Variants in ZFP42 observed in about 807,000 individuals in gnomAD.
ZFP42 encodes zinc finger protein 42 homolog.
For synonymous variants in ZFP42, 175 were observed against 144.6 expected (o/e 1.21, Z -1.51); for missense variants, 438 against 377.1 (o/e 1.16, Z -1.34).
At position 188,004,037 on chromosome 4, in the gene ZFP42, C is replaced by T; in HGVS notation, c.*297C>T. 7.3e-6 allele frequency: 2 copies of T among 273,608 alleles called. No individual in the cohort carries two copies. Among genetic ancestry groups the T allele is most frequent in the Non-Finnish European group, 1.5e-5 (2 of 135,416 alleles). The allele number at this position is 273,608 out of a possible 1,614,324, so 16.9% of individuals were successfully genotyped here. ...AGTGATAAATTTTCAAAAGCATAAC[C>T]TTCAATATATTATCTGTTGGATTAT... On this transcript the variant is annotated 3_prime_UTR_variant, in exon 4 of 4. Transcript: ENST00000326866.
At position 188,003,755 on chromosome 4, in the gene ZFP42, G is replaced by A; in HGVS notation, c.*15G>A. 2.5e-6 allele frequency: 4 copies of A among 1,594,904 alleles called. No individual in the cohort carries two copies. Among genetic ancestry groups the A allele is most frequent in the Non-Finnish European group, 3.4e-6 (4 of 1,167,562 alleles). On this transcript the variant is annotated 3_prime_UTR_variant, in exon 4 of 4. Transcript: ENST00000326866. ...AGGGAAAGTAGTCCTCCAACAGGAT[G>A]AAGCAGATTAACAGAAGAGTGATCA...
chr4:188,003,366 G>A lies in ZFP42; in HGVS notation c.559G>A (p.Ala187Thr), dbSNP rs750318279. The A allele has an allele frequency of 9.3e-6, 15 of 1,613,934 alleles. No homozygotes were observed. The highest frequency in any genetic ancestry group is 5.3e-5 in the African/African-American group (4 of 74,908). Residue 187 changes from alanine (A) to threonine (T), a missense_variant, in exon 4 of 4, where the codon GCA (alanine) becomes ACA (threonine). Ala to Thr is a moderately conservative substitution (Grantham distance 58). Coordinates refer to ENST00000326866, the MANE Select transcript of ZFP42 (RefSeq NM_174900.5). The part of the protein sequence containing the change: ...PINKEYDSLS[A>T]IACPQSGCTR... ...AAATAAAGAATATGACAGTCTGAGC[G>A]CAATCGCTTGTCCTCAGAGTGGATG...
chr4:188,000,472 C>T (rs1415164173), intron 3 of ZFP42, among the ~76,000 whole-genome samples: 1 of 152,190 alleles, frequency 6.6e-6, no homozygotes, highest in Non-Finnish European at 1.5e-5. Flanking sequence ...TCACTGCCTC[C>T]GCCTCCCAGG....
In ZFP42 at chr4:188,003,060, A is replaced by G. The variant is rs577420432; in HGVS notation, c.253A>G (p.Ile85Val). 10 of 1,614,194 alleles carry G rather than the reference A, an allele frequency of 6.2e-6. No individual in the cohort carries two copies. The highest frequency in any genetic ancestry group is 3.3e-5 in the Admixed American group (2 of 60,020). Reference sequence around the variant, plus strand: ...CATAAGGGGTGAGTTTTCTCAACCCATCCTGGAAGAGGACTCACTTTTTGA... The same window carrying G: ...CATAAGGGGTGAGTTTTCTCAACCCGTCCTGGAAGAGGACTCACTTTTTGA... ...CVIRGEFSQPILEEDSLFESL... is the reference protein window; with the variant it reads ...CVIRGEFSQPVLEEDSLFESL... The change falls in exon 4 of 4, where the codon ATC becomes GTC. Residue 85 changes from isoleucine (I) to valine (V), a missense_variant. Transcript: ENST00000326866.
chr4:187,998,716 G>C (rs368891565), intron 1 of ZFP42, among the ~76,000 whole-genome samples: 1 of 152,260 alleles, frequency 6.6e-6, no homozygotes, highest in East Asian at 1.9e-4. Context: ...AGGAGCCATG[G>C]GCCCTACTGT....
Position 188,002,766 on chromosome 4 carries a change from T to C in ZFP42, c.-42T>C. On this transcript the variant is annotated 5_prime_UTR_variant, in exon 4 of 4. Transcript: ENST00000326866. ...CACTACTGCCTGGAGGTGGTTGATA[T>C]ATCCTGGTGTAAACCTTCAAGAAGG... 1 of 1,566,112 alleles carries C rather than the reference T, an allele frequency of 6.4e-7. No individual in the cohort carries two copies. The highest frequency in any genetic ancestry group is 8.7e-7 in the Non-Finnish European group (1 of 1,144,948).
At chr4:187,998,251 G>A (rs1260830301) in intron 1 of ZFP42, among the ~76,000 whole-genome samples, 4 of 150,798 alleles carry the variant, frequency 2.7e-5, no homozygotes, top group African/African-American at 1.0e-4. Flanking sequence ...CGGGAGAATC[G>A]GCTGAACCTG....
In ZFP42 at chr4:188,003,894, T is replaced by TA. The variant is rs1261497080; in HGVS notation, c.*155dup. 3 of 724,726 alleles carry TA rather than the reference T, an allele frequency of 4.1e-6. No individual in the cohort carries two copies. Among genetic ancestry groups the TA allele is most frequent in the Middle Eastern group, 2.5e-4 (1 of 4,016 alleles). The allele number at this position is 724,726 out of a possible 1,614,324, so 44.9% of individuals were successfully genotyped here. A position where few individuals can be genotyped will look rare whatever the true frequency, so the allele number is the denominator to read the frequency against. On this transcript the variant is annotated 3_prime_UTR_variant, in exon 4 of 4. Coordinates refer to ENST00000326866, the MANE Select transcript of ZFP42 (RefSeq NM_174900.5). ...ACTAAGATGCTCCTACACTTTGTGA[T>TA]ACCGTTTTAAGGACATGGTGCATTT...
chr4:187,998,268 G>T (rs1175722546), intron 1 of ZFP42, among the ~76,000 whole-genome samples: 1 of 152,058 alleles, frequency 6.6e-6, no homozygotes, highest in Non-Finnish European at 1.5e-5. Context: ...CCTGGGAGGC[G>T]GAGGTTGCTG....
chr4:188,000,701 G>T (rs1407921951), intron 3 of ZFP42, among the ~76,000 whole-genome samples: 1 of 152,158 alleles, frequency 6.6e-6, no homozygotes, highest in East Asian at 1.9e-4. Context: ...AAGGACACAG[G>T]CCTGGCGCAG....
rs1366857340 is a variant in ZFP42, at chr4:187,997,666, G to A, written c.-338-1442G>A. Among the ~76,000 whole-genome samples, 3 of 151,992 alleles carry A rather than the reference G, an allele frequency of 2.0e-5. No homozygotes were observed. In the East Asian group the frequency reaches 5.8e-4, roughly 29 times the overall value. Reference sequence around the variant, plus strand: ...TCTTTTTCCCTAAGTTCAGCACCTAGAACGAATACTAAATGTATATGAAGA... The same window carrying A: ...TCTTTTTCCCTAAGTTCAGCACCTAAAACGAATACTAAATGTATATGAAGA... On this transcript the variant is annotated intron_variant, in intron 1 of 3. Transcript: ENST00000326866.
intron 1 of ZFP42, among the ~76,000 whole-genome samples, chr4:187,996,987 G>GGGAGCAT (rs1182237798): frequency 1.5e-4 from 9 of 58,910 alleles, no homozygotes; most frequent in Non-Finnish European, 2.1e-4. Flanking sequence ...CATAGCTGTA[G>GGGAGCAT]GGAGCATGGA....
intron 1 of ZFP42, among the ~76,000 whole-genome samples, chr4:187,996,051 C>T (rs999254776): frequency 2.0e-5 from 3 of 152,200 alleles, no homozygotes; most frequent in African/African-American, 7.2e-5. Context: ...ATGTTGAAAA[C>T]GGGCAGATGG....
At chr4:187,997,089 A>C (rs1029494658) in intron 1 of ZFP42, among the ~76,000 whole-genome samples, 2 of 151,654 alleles carry the variant, frequency 1.3e-5, no homozygotes, top group African/African-American at 4.8e-5. Flanking sequence ...GCCTGGAACC[A>C]GCAGGCTTCG....
At position 188,003,285 on chromosome 4, in the gene ZFP42, A is replaced by G. The variant is rs145401403; in HGVS notation, c.478A>G (p.Ile160Val). Residue 160 changes from isoleucine (I) to valine (V), a missense_variant, in exon 4 of 4, where the codon ATT becomes GTT. By Grantham distance (29) the Ile-to-Val change is conservative. Transcript: ENST00000326866. The stretch of plus-strand genomic sequence containing the variant: ...GCTTCCGCCTGGAGGAATACCTGGC[A>G]TTGACCTATCAGATCCTAAACAGCT... ...KKLPPGGIPG[I>V]DLSDPKQLAE... 6.2e-7 allele frequency: 1 copy of G among 1,614,160 alleles called. No individual in the cohort carries two copies. Among genetic ancestry groups the G allele is most frequent in the African/African-American group, 1.3e-5 (1 of 75,066 alleles).
rs1308081034 is a variant in ZFP42 at position 188,004,725 on chromosome 4, C to T, written c.*985C>T. 6.0e-6 allele frequency: 1 copy of T among 167,036 alleles called. No homozygotes were observed. Among genetic ancestry groups the T allele is most frequent in the Non-Finnish European group, 1.5e-5 (1 of 68,212 alleles). 10.3% of individuals were successfully genotyped at this position (167,036 alleles called of 1,614,324 possible). A position where few individuals can be genotyped will look rare whatever the true frequency, so the allele number is the denominator to read the frequency against. On this transcript the variant is annotated 3_prime_UTR_variant, in exon 4 of 4. Transcript: ENST00000326866. ...ATAGCTTGAGCCCAGGAGTTTGAGG[C>T]TACAGTGAGCTGTGATTGCACCACT...
chr4:188,001,293 C>A (rs948765450), intron 3 of ZFP42, among the ~76,000 whole-genome samples: 1 of 151,908 alleles, frequency 6.6e-6, no homozygotes, highest in East Asian at 1.9e-4. Context: ...ATAGGGAGAT[C>A]TTTTCTCAGG....
chr4:188,000,819 TAAA>T (rs1174402907), intron 3 of ZFP42, among the ~76,000 whole-genome samples: 2 of 151,922 alleles, frequency 1.3e-5, no homozygotes, highest in East Asian at 2.0e-4. Flanking sequence ...CCGTATCTAC[TAAA>T]AAATAACACA....
At chr4:187,997,228 C>CTTTTTT (rs71595201) in intron 1 of ZFP42, among the ~76,000 whole-genome samples, 2,481 of 59,926 alleles carry the variant, frequency 0.041, 449 homozygotes, top group African/African-American at 0.1. Flanking sequence ...CTCTCATATT[C>CTTTTTT]TTTTTTTTTT....
Sources: allele counts gnomAD v4.1 joint callset (sites outside exome capture counted in the v4.1 genomes callset), GRCh38; gene constraint gnomAD v4.1.1; transcripts MANE v1.5; gene names NCBI Gene and HGNC (gene_info 2026-07-23, HGNC 2026-07-21).